Variants in MGAT4C observed in about 807,000 individuals in gnomAD.
MGAT4C encodes alpha-1,3-mannosyl-glycoprotein 4-beta-N-acetylglucosaminyltransferase C.
In MGAT4C, 19 loss-of-function variants were observed where a neutral mutation model predicts 40.1. The ratio of observed to expected loss-of-function variants is 0.47; its 90% CI spans 0.33 to 0.70. The LOEUF (loss-of-function observed/expected upper bound fraction) is 0.70. Ranked by LOEUF, MGAT4C falls within the 30% of genes least tolerant of loss-of-function variation. The pLI is 0.02. For missense variants in MGAT4C, 491 were observed against 563.2 expected, an observed-to-expected ratio of 0.87 and a Z score of 1.30; for synonymous variants, 181 against 187.1, an observed-to-expected ratio of 0.97 and a Z score of 0.27.
Position 86,155,371 on chromosome 12 carries a change from A to T in MGAT4C, c.-57+100868T>A, listed in dbSNP as rs373367993. Among the ~76,000 whole-genome samples the T allele has an allele frequency of 2.6e-5, 4 of 152,204 alleles. No homozygotes were observed. The East Asian group carries it at 7.7e-4, about 29-fold the overall frequency. On this transcript the variant is annotated intron_variant, in intron 1 of 4. Transcript: ENST00000611864. ...AAATGAAGTTTGGAAGCTATGGTGCAGCAGTAATATGAGTAAGAGATGATG... is the reference window on the plus strand; with the variant it reads ...AAATGAAGTTTGGAAGCTATGGTGCTGCAGTAATATGAGTAAGAGATGATG...
At chr12:86,389,497 G>T (rs1239690190) in intron 3 of MGAT4C, among the ~76,000 whole-genome samples, 1 of 152,134 alleles carries the variant, frequency 6.6e-6, no homozygotes, top group Non-Finnish European at 1.5e-5. Context: ...ATTGTGCTCA[G>T]TGAACATATG....
In MGAT4C at chr12:86,086,818, C is replaced by A. The variant is rs1311551976; in HGVS notation, c.-56-37095G>T. Among the ~76,000 whole-genome samples the A allele has an allele frequency of 7.2e-5, 11 of 152,086 alleles. No individual in the cohort carries two copies. The South Asian group carries it at 1.2e-3, about 17-fold the overall frequency. On this transcript the variant is annotated intron_variant, in intron 1 of 4. Coordinates refer to ENST00000611864, the MANE Select transcript of MGAT4C (RefSeq NM_001351288.2). ...CATTTGTCATACCCTCTTTACCCTC[C>A]TCTCCCATTACATTTCCAAGTTTCT...
At position 86,529,535 on chromosome 12, in the gene MGAT4C, G is replaced by A. The variant is rs190863301; in HGVS notation, c.-228-94270C>T. 8.0e-4 allele frequency among the ~76,000 whole-genome samples: 122 copies of A among 151,948 alleles called. 1 individual carries two copies. The South Asian group carries it at 0.012, about 16-fold the overall frequency. Reference sequence around the variant, plus strand: ...AGATTTAAGGAGCTATGAACAAATCGTTTATCATCTCTTATTAACTGCACT... The same window carrying A: ...AGATTTAAGGAGCTATGAACAAATCATTTATCATCTCTTATTAACTGCACT... On this transcript the variant is annotated intron_variant, in intron 2 of 7. Transcript: ENST00000548651.
intron 2 of MGAT4C, among the ~76,000 whole-genome samples, chr12:85,990,436 A>C (rs1320467156): frequency 6.6e-6 from 1 of 152,160 alleles, no homozygotes; most frequent in Admixed American, 6.5e-5. Flanking sequence ...CTGAAAACAG[A>C]GCTACTTAGA....
chr12:86,787,224 A>C (rs552330738), intron 1 of MGAT4C, among the ~76,000 whole-genome samples: 50 of 152,246 alleles, frequency 3.3e-4, no homozygotes, highest in African/African-American at 1.2e-3. Context: ...GCTCTCACTT[A>C]TAAGTGAGAA....
intron 1 of MGAT4C, among the ~76,000 whole-genome samples, chr12:86,775,721 A>G (rs571392300): frequency 6.6e-6 from 1 of 151,894 alleles, no homozygotes; most frequent in African/African-American, 2.4e-5. Context: ...TGAAAGAAAA[A>G]GGATAATGGT....
chr12:86,221,076 G>C (rs1593271182), intron 1 of MGAT4C, among the ~76,000 whole-genome samples: 1 of 152,150 alleles, frequency 6.6e-6, no homozygotes, highest in African/African-American at 2.4e-5. Flanking sequence ...CCTCGTGCTA[G>C]ACTTGGATAA....
intron 2 of MGAT4C, among the ~76,000 whole-genome samples, chr12:86,025,666 G>T (rs1329818542): frequency 6.6e-6 from 1 of 151,588 alleles, no homozygotes; most frequent in East Asian, 1.9e-4. Context: ...TTTATGAAAG[G>T]CTGTGGGACT....
At chr12:86,194,621 ATT>A (rs539524406) in intron 1 of MGAT4C, among the ~76,000 whole-genome samples, 10,156 of 144,642 alleles carry the variant, frequency 0.07, 482 homozygotes, top group Middle Eastern at 0.21. Flanking sequence ...TGCCCAACTA[ATT>A]TTTTTTTTTT....
At chr12:86,360,942 C>T (rs919925248) in intron 3 of MGAT4C, among the ~76,000 whole-genome samples, 2 of 152,178 alleles carry the variant, frequency 1.3e-5, no homozygotes, top group African/African-American at 4.8e-5. Flanking sequence ...ATGCCATCCC[C>T]ATCAAGCTAC....
intron 3 of MGAT4C, among the ~76,000 whole-genome samples, chr12:86,426,192 C>A (rs957249691): frequency 3.9e-5 from 6 of 152,110 alleles, no homozygotes. Flanking sequence ...GTCCATCAGT[C>A]ATTGACTCTT....
chr12:86,362,897 G>A (rs1318442676), intron 3 of MGAT4C, among the ~76,000 whole-genome samples: 1 of 148,446 alleles, frequency 6.7e-6, no homozygotes, highest in African/African-American at 2.5e-5. Context: ...ATATGAGGGT[G>A]TATATAGTAA....
At chr12:86,522,589 T>G (rs1020047600) in intron 2 of MGAT4C, among the ~76,000 whole-genome samples, 1 of 152,140 alleles carries the variant, frequency 6.6e-6, no homozygotes, top group Non-Finnish European at 1.5e-5. Flanking sequence ...CAGGTTTTGG[T>G]ATCAGGAAGA....
At chr12:86,426,982 A>G (rs909477670) in intron 3 of MGAT4C, among the ~76,000 whole-genome samples, 2 of 151,874 alleles carry the variant, frequency 1.3e-5, no homozygotes, top group Admixed American at 1.3e-4. Context: ...GAGAGAGAGA[A>G]ATCACATCTA....
At position 86,545,702 on chromosome 12, in the gene MGAT4C, A is replaced by G. The variant is rs2136390423; in HGVS notation, c.-228-110437T>C. 1.3e-5 allele frequency among the ~76,000 whole-genome samples: 2 copies of G among 152,060 alleles called. 1 individual carries two copies. Among genetic ancestry groups the G allele is most frequent in the South Asian group, 4.1e-4 (2 of 4,822 alleles). ...CTTTATTTTGGTAATATTTGAAAGT[A>G]TAAATAGTGGAAAGAGAAGACAAAT... is the stretch of plus-strand genomic sequence containing the variant. On this transcript the variant is annotated intron_variant, in intron 2 of 7. Coordinates refer to the MGAT4C transcript ENST00000548651.
At chr12:85,994,606 T>TA (rs140510790) in intron 2 of MGAT4C, among the ~76,000 whole-genome samples, 10,757 of 148,066 alleles carry the variant, frequency 0.073, 536 homozygotes, top group Middle Eastern at 0.24. Context: ...GGAAAGTTTT[T>TA]AAAAAAATCC....
chr12:86,289,709 A>T (rs1227954272), intron 4 of MGAT4C, among the ~76,000 whole-genome samples: 1 of 151,884 alleles, frequency 6.6e-6, no homozygotes, highest in African/African-American at 2.4e-5. Flanking sequence ...CTCAGCTTGG[A>T]TGTTGTTGGT....
At chr12:85,994,630 A>G (rs1385550393) in intron 2 of MGAT4C, among the ~76,000 whole-genome samples, 1 of 151,980 alleles carries the variant, frequency 6.6e-6, no homozygotes, top group African/African-American at 2.4e-5. Flanking sequence ...CCCAGCCGCC[A>G]AAAAACAAAC....
chr12:86,692,270 C>T (rs4842820), intron 2 of MGAT4C, among the ~76,000 whole-genome samples: 118,048 of 152,028 alleles, frequency 0.78, 47,192 homozygotes, highest in Middle Eastern at 0.88. Context: ...GCCTATGATG[C>T]AAACAGTGTA....
Sources: allele counts gnomAD v4.1 joint callset (sites outside exome capture counted in the v4.1 genomes callset), GRCh38; gene constraint gnomAD v4.1.1; transcripts MANE v1.5; gene names NCBI Gene and HGNC (gene_info 2026-07-23, HGNC 2026-07-21).